The following CLDN14 variants were observed in gnomAD, a reference collection of about 807,000 sequenced individuals.
CLDN14 encodes the protein claudin-14.
In CLDN14, 2 loss-of-function variants were observed where a neutral mutation model predicts 2.1. The observed-to-expected ratio is 0.96, with a 90% confidence interval of 0.39 to 3.01. The LOEUF (loss-of-function observed/expected upper bound fraction) is 3.01, where lower values mean the gene tolerates loss of function less well. Among genes scored for constraint, CLDN14 ranks in the 30% most tolerant of loss-of-function variants. The pLI is 0.09. For missense variants in CLDN14, 298 were observed against 328.0 expected (o/e 0.91, Z 0.71); for synonymous variants, 136 against 154.4 (o/e 0.88, Z 0.88).
chr21:36,480,281 C>T (rs775224760), upstream of CLDN14: 4 of 152,186 alleles, frequency 2.6e-5, no homozygotes, highest in African/African-American at 7.2e-5. Flanking sequence ...TGGAGCTGGA[C>T]GGGTCAAGGA....
intron 1 of CLDN14, among the ~76,000 whole-genome samples, chr21:36,468,214 G>A (rs755511993): frequency 6.6e-6 from 1 of 152,118 alleles, no homozygotes; most frequent in Non-Finnish European, 1.5e-5. Context: ...AAAATGTCTG[G>A]TTCAAAAACC....
chr21:36,482,995 C>T (rs1049671166), upstream of CLDN14, among the ~76,000 whole-genome samples: 3 of 152,218 alleles, frequency 2.0e-5, no homozygotes, highest in African/African-American at 7.2e-5. Flanking sequence ...TCCTATTAAC[C>T]TCATTTTATG....
At chr21:36,573,027 C>A (rs539834625) in intron 1 of CLDN14, among the ~76,000 whole-genome samples, 1 of 152,180 alleles carries the variant, frequency 6.6e-6, no homozygotes, top group Non-Finnish European at 1.5e-5. Flanking sequence ...GGAGGCCGGG[C>A]GTGGTGGCTC....
intron 1 of CLDN14, among the ~76,000 whole-genome samples, chr21:36,514,872 G>A (rs149628477): frequency 1.5e-3 from 221 of 152,084 alleles, no homozygotes; most frequent in Non-Finnish European, 2.2e-3. Context: ...AGGAAGACTT[G>A]CTTACTCTTA....
rs192455486 is a variant in CLDN14, at chr21:36,541,698, A to G, written c.-219-31198T>C. Among the ~76,000 whole-genome samples the G allele has an allele frequency of 5.9e-4, 90 of 152,292 alleles. No individual in the cohort carries two copies. The Middle Eastern group carries it at 0.017, about 29-fold the overall frequency. ...TACAAAAGATTTCTGTATAAAACCT[A>G]AAAAACTGGTGTCCCAAATGCCCGG... is the stretch of plus-strand genomic sequence containing the variant. On this transcript the variant is annotated intron_variant, in intron 1 of 2. Coordinates refer to the CLDN14 transcript ENST00000342108.
At chr21:36,494,296 C>T (rs1283306793) in intron 2 of CLDN14, among the ~76,000 whole-genome samples, 1 of 152,114 alleles carries the variant, frequency 6.6e-6, no homozygotes, top group African/African-American at 2.4e-5. Flanking sequence ...TCTAATAAGG[C>T]CCATTTCAAT....
chr21:36,503,274 G>C (rs1214153761), intron 2 of CLDN14, among the ~76,000 whole-genome samples: 3 of 152,080 alleles, frequency 2.0e-5, no homozygotes, highest in Non-Finnish European at 4.4e-5. Context: ...GGCTGGTCTT[G>C]AGCTCCTGAC....
intron 1 of CLDN14, among the ~76,000 whole-genome samples, chr21:36,519,021 A>G (rs975998397): frequency 2.0e-5 from 3 of 152,200 alleles, no homozygotes; most frequent in African/African-American, 7.2e-5. Flanking sequence ...ATGTCCAGAG[A>G]CAGACAAGCC....
intron 1 of CLDN14, among the ~76,000 whole-genome samples, chr21:36,556,555 G>C (rs1228653711): frequency 6.6e-6 from 1 of 152,156 alleles, no homozygotes; most frequent in Non-Finnish European, 1.5e-5. Context: ...TGACTATGTC[G>C]CTTCTTTCCT....
intron 1 of CLDN14, among the ~76,000 whole-genome samples, chr21:36,539,488 G>A (rs1314193813): frequency 1.1e-5 from 1 of 92,502 alleles, no homozygotes; most frequent in Non-Finnish European, 2.7e-5. Flanking sequence ...TGGGGAATGT[G>A]TGTGTGTGCA....
At chr21:36,561,307 C>T (rs530449403) in intron 1 of CLDN14, among the ~76,000 whole-genome samples, 9 of 152,222 alleles carry the variant, frequency 5.9e-5, no homozygotes, top group African/African-American at 1.9e-4. Context: ...CTGTTCCCCA[C>T]TGGGGTGGGC....
At chr21:36,486,235 G>A (rs779212502) in intron 2 of CLDN14, 36 of 866,750 alleles carry the variant, frequency 4.2e-5, no homozygotes, top group Non-Finnish European at 7.0e-5. Flanking sequence ...CTCCTGCAGG[G>A]ACATCTTCAT....
intron 1 of CLDN14, among the ~76,000 whole-genome samples, chr21:36,530,798 TGAG>T (rs1016159230): frequency 7.9e-5 from 12 of 152,102 alleles, no homozygotes; most frequent in South Asian, 4.2e-4. Flanking sequence ...AGATGGGAAA[TGAG>T]GAGCAAACCT....
chr21:36,463,139 G>A (rs2086601173), intron 1 of CLDN14, among the ~76,000 whole-genome samples: 1 of 152,206 alleles, frequency 6.6e-6, no homozygotes, highest in Admixed American at 6.5e-5. Context: ...AAGGTAATCA[G>A]CGAGACCGGG....
At chr21:36,486,187 G>A in intron 2 of CLDN14, 1 of 1,054,744 alleles carries the variant, frequency 9.5e-7, no homozygotes, top group African/African-American at 1.6e-5. Flanking sequence ...TGGCTGAGCT[G>A]GCATCAATGT....
chr21:36,528,828 CCCT>C (rs1182740696), intron 1 of CLDN14, among the ~76,000 whole-genome samples: 3 of 152,216 alleles, frequency 2.0e-5, no homozygotes, highest in Non-Finnish European at 2.9e-5. Context: ...ACAGCTTCCT[CCCT>C]CCTCCTCTCC....
intron 1 of CLDN14, among the ~76,000 whole-genome samples, chr21:36,539,987 T>C (rs2087473568): frequency 1.3e-5 from 2 of 151,036 alleles, no homozygotes; most frequent in African/African-American, 2.4e-5. Context: ...TAGTATGTGG[T>C]ATATGTGTGT....
At chr21:36,522,365 A>G (rs2087277421) in intron 1 of CLDN14, among the ~76,000 whole-genome samples, 1 of 152,194 alleles carries the variant, frequency 6.6e-6, no homozygotes. Flanking sequence ...CTTGGCGCAA[A>G]TGTTCTTCCT....
intron 1 of CLDN14, among the ~76,000 whole-genome samples, chr21:36,530,077 C>G (rs73374413): frequency 1.3e-5 from 2 of 152,126 alleles, no homozygotes; most frequent in African/African-American, 4.8e-5. Flanking sequence ...TAAGTCTTTG[C>G]ATCGGATTTC....
Sources: gnomAD v4.1 joint callset for allele counts (sites outside exome capture counted in the v4.1 genomes callset) on GRCh38, gnomAD v4.1.1 for gene constraint, MANE v1.5 for transcripts, NCBI Gene and HGNC (gene_info 2026-07-23, HGNC 2026-07-21) for gene names.